The following VPS53 variants were observed in gnomAD, a reference collection of about 807,000 sequenced individuals.
VPS53 encodes the protein vacuolar protein sorting-associated protein 53 homolog.
Under a neutral mutation model 107.0 loss-of-function variants are expected in VPS53, and 70 were observed. The observed-to-expected ratio is 0.65, with a 90% CI of 0.54 to 0.80. VPS53 has a LOEUF of 0.80. Ranked by LOEUF, VPS53 falls within the 30% of genes least tolerant of loss-of-function variation. The pLI, the probability that VPS53 is intolerant of heterozygous loss-of-function variation, is 0.00. For missense variants in VPS53, 917 were observed against 1,049.4 expected (o/e 0.87, Z 1.74); for synonymous variants, 409 against 393.3 (o/e 1.04, Z -0.47).
At chr17:673,980 T>C (rs1054651907) in intron 4 of VPS53, 8 of 152,166 alleles carry the variant, frequency 5.3e-5, no homozygotes, top group African/African-American at 1.7e-4. Context: ...AACATTTACA[T>C]TGCAAAGTTC....
intron 19 of VPS53, 198 bp downstream of exon 19, chr17:532,644 T>A: frequency 7.3e-7 from 1 of 1,371,118 alleles, no homozygotes; most frequent in Non-Finnish European, 9.5e-7. Context: ...CACCCAGAAC[T>A]TAGTAGGCGT....
chr17:597,766 C>CA (rs1447120783), intron 12 of VPS53, among the ~76,000 whole-genome samples: 4 of 152,084 alleles, frequency 2.6e-5, no homozygotes, highest in Non-Finnish European at 4.4e-5. Context: ...AACATAGTTT[C>CA]ACCATGTTGG....
In VPS53 at chr17:699,373, G is replaced by A. The variant is rs148156494; in HGVS notation, c.176C>T (p.Ala59Val). ...TTTGTTCACGACTTCGTCTATGTTCGCCAGAGACTACAATAAAGAAGGAAG... is the reference window on the plus strand; with the variant it reads ...TTTGTTCACGACTTCGTCTATGTTCACCAGAGACTACAATAAAGAAGGAAG... ...NTLFPTEQSLANIDEVVNKIR... is the reference protein window; with the variant it reads ...NTLFPTEQSLVNIDEVVNKIR... Residue 59 changes from alanine to valine, a missense_variant, in exon 3 of 22, where the codon GCG becomes GTG. Physicochemically the swap from Ala to Val is moderately conservative, Grantham distance 64. Coordinates refer to ENST00000437048, the MANE Select transcript of VPS53 (RefSeq NM_001128159.3). 1.4e-4 allele frequency: 225 copies of A among 1,563,758 alleles called. No homozygotes were observed. In the East Asian group the frequency reaches 3.8e-3, roughly 27 times the overall value.
intron 19 of VPS53, among the ~76,000 whole-genome samples, chr17:531,186 A>G (rs1266697830): frequency 1.3e-5 from 2 of 152,204 alleles, no homozygotes; most frequent in Non-Finnish European, 2.9e-5. Flanking sequence ...GTACAGGCCC[A>G]GCCAAACCTC....
intron 2 of VPS53, among the ~76,000 whole-genome samples, chr17:703,338 G>C (rs1973275414): frequency 6.6e-6 from 1 of 152,264 alleles, no homozygotes; most frequent in Non-Finnish European, 1.5e-5. Context: ...TGAAGCTGCA[G>C]AGATCCTCTT....
chr17:662,838 G>A (rs766472130), intron 4 of VPS53, among the ~76,000 whole-genome samples: 5,032 of 27,380 alleles, frequency 0.18, 292 homozygotes, highest in Middle Eastern at 0.35. Flanking sequence ...AGAAAGAAAG[G>A]AAGGAAGGAA....
At chr17:588,980 T>A (rs969944158) in intron 12 of VPS53, among the ~76,000 whole-genome samples, 13 of 152,178 alleles carry the variant, frequency 8.5e-5, no homozygotes, top group Non-Finnish European at 1.6e-4. Context: ...TTTGTCTAAC[T>A]CTATAGGACT....
At chr17:639,736 G>T (rs1470494472) in intron 7 of VPS53, among the ~76,000 whole-genome samples, 1 of 152,210 alleles carries the variant, frequency 6.6e-6, no homozygotes, top group Admixed American at 6.5e-5. Flanking sequence ...AGCAAATACT[G>T]CTGAACAGCC....
chr17:522,816 G>A (rs977545455), intron 19 of VPS53: 3 of 152,202 alleles, frequency 2.0e-5, no homozygotes, highest in African/African-American at 7.2e-5. Flanking sequence ...GGAATGACAT[G>A]AGGAACGTTT....
intron 11 of VPS53, among the ~76,000 whole-genome samples, chr17:612,551 T>C (rs1968938306): frequency 7.3e-6 from 1 of 137,646 alleles, no homozygotes; most frequent in African/African-American, 2.9e-5. Flanking sequence ...GTTCACACAG[T>C]GAAAACCTGT....
chr17:587,347 G>A (rs1967372472), intron 12 of VPS53, among the ~76,000 whole-genome samples: 1 of 152,192 alleles, frequency 6.6e-6, no homozygotes, highest in Non-Finnish European at 1.5e-5. Context: ...ATAGGCATGA[G>A]GCATGGCGCC....
At chr17:599,030 G>A (rs200427846) in intron 12 of VPS53, among the ~76,000 whole-genome samples, 1 of 95,038 alleles carries the variant, frequency 1.1e-5, no homozygotes, top group Non-Finnish European at 2.2e-5. Context: ...CCGGCCAGCC[G>A]CCCCATCCGG....
At chr17:597,949 G>GCTCCCC in intron 12 of VPS53, among the ~76,000 whole-genome samples, 1 of 91,242 alleles carries the variant, frequency 1.1e-5, no homozygotes, top group East Asian at 3.3e-4. Context: ...ATGACTTGCA[G>GCTCCCC]CTCTCCCTCT....
At chr17:677,774 A>C (rs1972226834) in intron 4 of VPS53, among the ~76,000 whole-genome samples, 1 of 152,124 alleles carries the variant, frequency 6.6e-6, no homozygotes, top group African/African-American at 2.4e-5. Flanking sequence ...ACTAAAATGA[A>C]ATTTAATAAA....
chr17:685,413 T>C (rs1369091620), intron 4 of VPS53, among the ~76,000 whole-genome samples: 1 of 152,166 alleles, frequency 6.6e-6, no homozygotes, highest in Non-Finnish European at 1.5e-5. Flanking sequence ...AAACCATACT[T>C]TGGGTACCCA....
chr17:677,429 T>C (rs575898604), intron 4 of VPS53, among the ~76,000 whole-genome samples: 1 of 152,098 alleles, frequency 6.6e-6, no homozygotes, highest in East Asian at 1.9e-4. Context: ...GAAAGTAAAA[T>C]AGAGGTTACA....
intron 7 of VPS53, among the ~76,000 whole-genome samples, chr17:638,244 C>CT (rs1189606586): frequency 2.0e-5 from 3 of 151,996 alleles, no homozygotes; most frequent in Non-Finnish European, 2.9e-5. Flanking sequence ...CAACCCCTGC[C>CT]TTTTTTTGTT....
intron 12 of VPS53, among the ~76,000 whole-genome samples, chr17:592,755 T>A (rs922026013): frequency 7.2e-5 from 11 of 152,216 alleles, no homozygotes; most frequent in African/African-American, 2.7e-4. Flanking sequence ...CCGAGAGATC[T>A]GCTGTTAGTC....
intron 7 of VPS53, among the ~76,000 whole-genome samples, chr17:633,134 G>A (rs1461378919): frequency 4.6e-5 from 7 of 152,212 alleles, no homozygotes; most frequent in African/African-American, 1.7e-4. Flanking sequence ...AAGCGGCTAG[G>A]ATGGAAAGCG....
Sources: gnomAD v4.1 joint callset for allele counts (sites outside exome capture counted in the v4.1 genomes callset) on GRCh38, gnomAD v4.1.1 for gene constraint, MANE v1.5 for transcripts, NCBI Gene and HGNC (gene_info 2026-07-23, HGNC 2026-07-21) for gene names.